Variants in ATP8B4 observed in about 807,000 individuals in gnomAD.
The protein encoded by ATP8B4 is ATPase phospholipid transporting 8B4 (putative).
In ATP8B4, 133 loss-of-function variants were observed where a neutral mutation model predicts 145.6. The ratio of observed to expected loss-of-function variants is 0.91; its 90% CI spans 0.79 to 1.05. ATP8B4 has a LOEUF of 1.05. ATP8B4 is among the 50% of genes least tolerant of loss of function. The pLI, the probability that ATP8B4 is intolerant of heterozygous loss-of-function variation, is 0.00. For missense variants in ATP8B4, 1,458 were observed against 1,425.2 expected, an observed-to-expected ratio of 1.02 and a Z score of -0.37; for synonymous variants, 507 against 492.9, an observed-to-expected ratio of 1.03 and a Z score of -0.38.
At chr15:50,109,943 T>C (rs1275312391) in intron 1 of ATP8B4, among the ~76,000 whole-genome samples, 1 of 152,184 alleles carries the variant, frequency 6.6e-6, no homozygotes, top group Non-Finnish European at 1.5e-5. Flanking sequence ...CATAAAGCAA[T>C]GTCATATTCT....
intron 1 of ATP8B4, among the ~76,000 whole-genome samples, chr15:50,180,640 G>A (rs557659270): frequency 6.6e-6 from 1 of 152,220 alleles, no homozygotes; most frequent in East Asian, 1.9e-4. Flanking sequence ...AAAAAGGAAG[G>A]GCTGGCTCTG....
At chr15:49,909,608 C>T (rs1239739960) in intron 20 of ATP8B4, among the ~76,000 whole-genome samples, 2 of 151,714 alleles carry the variant, frequency 1.3e-5, no homozygotes, top group Admixed American at 6.6e-5. Context: ...CCACTGGGGC[C>T]CAAGGACTGT....
At chr15:49,904,446 C>A (rs1201893694) in intron 20 of ATP8B4, among the ~76,000 whole-genome samples, 1 of 152,004 alleles carries the variant, frequency 6.6e-6, no homozygotes, top group Non-Finnish European at 1.5e-5. Context: ...TGGGCTGCTG[C>A]ACCAGTGTGT....
chr15:49,904,468 T>G (rs2038391094), intron 20 of ATP8B4, among the ~76,000 whole-genome samples: 1 of 152,236 alleles, frequency 6.6e-6, no homozygotes, highest in East Asian at 1.9e-4. Flanking sequence ...CCAGAAGATC[T>G]ACAAGATTAC....
chr15:50,031,185 G>T (rs1599919488), intron 6 of ATP8B4, among the ~76,000 whole-genome samples: 1 of 152,200 alleles, frequency 6.6e-6, no homozygotes, highest in East Asian at 1.9e-4. Flanking sequence ...TCATTGTTAT[G>T]CCTATGGCTG....
chr15:50,151,750 A>C (rs1161126081), intron 1 of ATP8B4, among the ~76,000 whole-genome samples: 1 of 151,476 alleles, frequency 6.6e-6, no homozygotes, highest in Admixed American at 6.6e-5. Flanking sequence ...CAAAAAAAAA[A>C]AAAAAAAAAA....
intron 9 of ATP8B4, among the ~76,000 whole-genome samples, chr15:49,994,259 C>T (rs1199625699): frequency 6.6e-6 from 1 of 152,146 alleles, no homozygotes; most frequent in African/African-American, 2.4e-5. Flanking sequence ...ATCCAGCACT[C>T]CTTCCTGGTC....
chr15:50,078,700 C>A (rs2054347293), intron 2 of ATP8B4, among the ~76,000 whole-genome samples: 1 of 151,892 alleles, frequency 6.6e-6, no homozygotes, highest in African/African-American at 2.4e-5. Flanking sequence ...AATGAACCCA[C>A]AAACCTTCAT....
intron 20 of ATP8B4, among the ~76,000 whole-genome samples, chr15:49,904,455 G>A (rs1278848138): frequency 1.3e-5 from 2 of 152,160 alleles, no homozygotes; most frequent in East Asian, 3.9e-4. Context: ...GCACCAGTGT[G>A]TGCCAGAAGA....
intron 7 of ATP8B4, 54 bp downstream of exon 7, chr15:50,010,791 T>C (rs2048670564): frequency 8.3e-7 from 1 of 1,201,902 alleles, no homozygotes; most frequent in Non-Finnish European, 1.1e-6. Flanking sequence ...AATACTTCCA[T>C]ATATATGCTA....
chr15:50,035,325 AT>A (rs1231924871), intron 6 of ATP8B4, among the ~76,000 whole-genome samples: 1 of 152,244 alleles, frequency 6.6e-6, no homozygotes, highest in East Asian at 1.9e-4. Context: ...GCAAATTAAC[AT>A]ATAGGTAAAC....
intron 7 of ATP8B4, among the ~76,000 whole-genome samples, chr15:50,004,924 G>C (rs903785809): frequency 1.3e-5 from 2 of 152,180 alleles, no homozygotes; most frequent in African/African-American, 4.8e-5. Context: ...GCAAATGAGA[G>C]TGCAACGTTG....
chr15:50,086,344 AAT>A (rs2055064983), intron 2 of ATP8B4, among the ~76,000 whole-genome samples: 1 of 61,860 alleles, frequency 1.6e-5, no homozygotes, highest in South Asian at 5.8e-4. Context: ...ATATATAATT[AAT>A]ATAGAGATCT....
chr15:50,007,718 C>G (rs1336083306), intron 7 of ATP8B4, among the ~76,000 whole-genome samples: 4 of 152,008 alleles, frequency 2.6e-5, no homozygotes, highest in Non-Finnish European at 5.9e-5. Flanking sequence ...TTTTGCCCCC[C>G]GAATATAAGC....
At chr15:50,128,254 G>T (rs763910315) in intron 1 of ATP8B4, among the ~76,000 whole-genome samples, 2 of 152,210 alleles carry the variant, frequency 1.3e-5, no homozygotes, top group South Asian at 4.1e-4. Context: ...CTTCAAGAGG[G>T]AGCTGGCTTT....
chr15:50,028,624 G>A (rs944858362), intron 6 of ATP8B4, among the ~76,000 whole-genome samples: 1 of 152,146 alleles, frequency 6.6e-6, no homozygotes, highest in Non-Finnish European at 1.5e-5. Context: ...AACCTATCCT[G>A]TACCATATAC....
chr15:50,056,176 G>A (rs998356339), intron 3 of ATP8B4, among the ~76,000 whole-genome samples: 3 of 152,270 alleles, frequency 2.0e-5, no homozygotes, highest in African/African-American at 7.2e-5. Flanking sequence ...CGTGTATGAG[G>A]AGGCAAAGAG....
intron 1 of ATP8B4, among the ~76,000 whole-genome samples, chr15:50,154,379 A>T (rs1226671500): frequency 6.6e-6 from 1 of 152,144 alleles, no homozygotes; most frequent in Admixed American, 6.5e-5. Context: ...TATTGAAACA[A>T]ATTAGACAAA....
chr15:49,945,847 C>T (rs1293707104), intron 14 of ATP8B4, among the ~76,000 whole-genome samples: 2 of 152,100 alleles, frequency 1.3e-5, no homozygotes, highest in Non-Finnish European at 1.5e-5. Context: ...CAGAAAAATA[C>T]CTTATCATAA....
Sources: allele counts gnomAD v4.1 joint callset (sites outside exome capture counted in the v4.1 genomes callset), GRCh38; gene constraint gnomAD v4.1.1; transcripts MANE v1.5; gene names NCBI Gene and HGNC (gene_info 2026-07-23, HGNC 2026-07-21).